The following HLCS variants were observed in gnomAD, a reference collection of about 807,000 sequenced individuals.
HLCS encodes biotin--protein ligase.
In HLCS, 53 loss-of-function variants were observed where a neutral mutation model predicts 75.0. The observed-to-expected ratio is 0.71, with a 90% CI of 0.57 to 0.89. The LOEUF (loss-of-function observed/expected upper bound fraction) is 0.89. Ranked by LOEUF, HLCS falls within the 40% of genes least tolerant of loss-of-function variation. The pLI, the probability that HLCS is intolerant of heterozygous loss-of-function variation, is 0.00. For missense variants in HLCS, 966 were observed against 1,074.0 expected (o/e 0.90, Z 1.41); for synonymous variants, 431 against 428.6 (o/e 1.01, Z -0.07).
chr21:36,772,502 G>T (rs2060237545), intron 6 of HLCS, among the ~76,000 whole-genome samples: 1 of 151,932 alleles, frequency 6.6e-6, no homozygotes, highest in Admixed American at 6.6e-5. Flanking sequence ...AGCCAGGCAT[G>T]GAGGTACATG....
Position 36,756,653 on chromosome 21 carries a change from G to A in HLCS, c.2339C>T (p.Ala780Val), listed in dbSNP as rs763760775. The A allele has an allele frequency of 2.5e-6, 4 of 1,613,942 alleles. No individual in the cohort carries two copies. The highest frequency in any genetic ancestry group is 3.4e-6 in the Non-Finnish European group (4 of 1,180,024). ...CACGACTCTGGCGATGAGATAATCG[G>A]CTCTTAAGGGCTTCAGTTCTGCCTT... Reference protein sequence around the residue: ...QHKAELKPLRADYLIARVVTV... With the variant: ...QHKAELKPLRVDYLIARVVTV... Residue 780 changes from alanine to valine, a missense_variant, in exon 10 of 11, where the codon GCC (alanine) becomes GTC (valine). By Grantham distance (64) the Ala-to-Val change is moderately conservative. Transcript: ENST00000674895.
chr21:36,795,976 T>TA (rs987668971), intron 6 of HLCS, among the ~76,000 whole-genome samples: 2 of 152,226 alleles, frequency 1.3e-5, no homozygotes, highest in African/African-American at 4.8e-5. Flanking sequence ...GACAAGGTTT[T>TA]AAAAAAATAT....
At chr21:36,785,056 C>T (rs966956115) in intron 6 of HLCS, among the ~76,000 whole-genome samples, 3 of 152,230 alleles carry the variant, frequency 2.0e-5, no homozygotes, top group East Asian at 1.9e-4. Context: ...CCCCAGGTAC[C>T]GTCGCCTTCG....
chr21:36,978,742 T>TA (rs888899896), intron 1 of HLCS, among the ~76,000 whole-genome samples: 12 of 152,110 alleles, frequency 7.9e-5, no homozygotes, highest in African/African-American at 2.9e-4. Context: ...GCAGACGCCT[T>TA]GGGAATGTAC....
chr21:36,965,770 C>T (rs1222104696), intron 1 of HLCS, among the ~76,000 whole-genome samples: 12 of 146,944 alleles, frequency 8.2e-5, no homozygotes. Flanking sequence ...CTTGCTTTGT[C>T]ACCCAGACTG....
At chr21:36,810,036 C>A (rs2061467074) in intron 6 of HLCS, among the ~76,000 whole-genome samples, 2 of 152,260 alleles carry the variant, frequency 1.3e-5, no homozygotes, top group Non-Finnish European at 2.9e-5. Context: ...AGCCGTGGCA[C>A]CCAGCCATTT....
intron 5 of HLCS, among the ~76,000 whole-genome samples, chr21:36,902,400 A>G (rs2065272204): frequency 6.6e-6 from 1 of 152,144 alleles, no homozygotes; most frequent in African/African-American, 2.4e-5. Flanking sequence ...GAGACAGCTC[A>G]CCCATAGGGA....
At chr21:36,824,623 C>T (rs1290569457) in intron 6 of HLCS, among the ~76,000 whole-genome samples, 1 of 152,172 alleles carries the variant, frequency 6.6e-6, no homozygotes, top group Non-Finnish European at 1.5e-5. Context: ...AACTCTGATG[C>T]CATCTCTGGC....
chr21:36,953,337 T>C (rs1332277074), intron 2 of HLCS, among the ~76,000 whole-genome samples: 5 of 152,120 alleles, frequency 3.3e-5, no homozygotes, highest in African/African-American at 1.2e-4. Context: ...TAGATGAAGC[T>C]GACACTGGTG....
intron 2 of HLCS, among the ~76,000 whole-genome samples, chr21:36,953,849 C>T (rs147851399): frequency 5.9e-5 from 9 of 152,210 alleles, no homozygotes; most frequent in African/African-American, 1.7e-4. Flanking sequence ...CATAATGTCT[C>T]GCCCAACGAT....
Position 36,753,275 on chromosome 21 carries a change from T to C in HLCS, c.*971A>G, listed in dbSNP as rs1346222862. ...GGTAAATGAGGGGGGCAAAAACTTATGACTTCTGAGTAAAATGCCATGTCT... is the reference window on the plus strand; with the variant it reads ...GGTAAATGAGGGGGGCAAAAACTTACGACTTCTGAGTAAAATGCCATGTCT... On this transcript the variant is annotated 3_prime_UTR_variant, in exon 11 of 11. Coordinates refer to ENST00000674895, the MANE Select transcript of HLCS (RefSeq NM_001352514.2). This position sits in a 1 kb window ranked among gnomAD's most constrained non-coding sequence, Gnocchi z 4.3. 1.3e-5 allele frequency: 2 copies of C among 152,622 alleles called. No homozygotes were observed. The highest frequency in any genetic ancestry group is 3.4e-3 in the Middle Eastern group (1 of 294). 9.5% of individuals were successfully genotyped at this position (152,622 alleles called of 1,614,324 possible). A position where few individuals can be genotyped will look rare whatever the true frequency, so the allele number is the denominator to read the frequency against.
At chr21:36,872,295 C>T (rs998929402) in intron 6 of HLCS, among the ~76,000 whole-genome samples, 3 of 151,314 alleles carry the variant, frequency 2.0e-5, no homozygotes, top group East Asian at 1.9e-4. Context: ...TGGTGGCGGG[C>T]GCCTGTAGTC....
chr21:36,936,335 C>T, intron 4 of HLCS, 114 bp downstream of exon 4: 2 of 949,598 alleles, frequency 2.1e-6, no homozygotes, highest in East Asian at 2.4e-5. Context: ...TCAAAAACAG[C>T]CCGCAGCACA....
chr21:36,796,926 G>T (rs2061043077), intron 6 of HLCS, among the ~76,000 whole-genome samples: 1 of 151,502 alleles, frequency 6.6e-6, no homozygotes, highest in African/African-American at 2.4e-5. Flanking sequence ...GAGTACAGTG[G>T]AGTGATCTCG....
chr21:36,980,476 T>TC (rs1461376690), intron 1 of HLCS: 2 of 151,162 alleles, frequency 1.3e-5, no homozygotes, highest in Non-Finnish European at 2.9e-5. Flanking sequence ...TATAAATAAC[T>TC]CCCCCTGGGG....
intron 6 of HLCS, among the ~76,000 whole-genome samples, chr21:36,843,001 G>A (rs976960078): frequency 6.6e-6 from 1 of 152,194 alleles, no homozygotes; most frequent in African/African-American, 2.4e-5. Context: ...TTCCTGCCAT[G>A]TCTTATCTTC....
At position 36,937,001 on chromosome 21, in the gene HLCS, G is replaced by A. The variant is rs139989284; in HGVS notation, c.885C>T (p.Pro295=). 31 of 1,614,052 alleles carry A rather than the reference G, an allele frequency of 1.9e-5. No individual in the cohort carries two copies. Among genetic ancestry groups the A allele is most frequent in the Admixed American group, 6.7e-5 (4 of 60,008 alleles). ...GGTTGACTCTCCTCCCTTCTCTTTC[G>A]GGGGAGGTCTCATCAGCAACACTCT... ...SLESVADETS[P]EREGRRVNLT... is the part of the protein sequence containing the mutation. Residue 295 remains proline, a synonymous_variant, in exon 4 of 11, where the codon CCC becomes CCT. Transcript: ENST00000674895.
chr21:36,945,623 A>G (rs1422418362), intron 2 of HLCS, among the ~76,000 whole-genome samples: 1 of 152,264 alleles, frequency 6.6e-6, no homozygotes, highest in Non-Finnish European at 1.5e-5. Flanking sequence ...ATCTAGAGTC[A>G]GAAAGTAGAT....
intron 5 of HLCS, among the ~76,000 whole-genome samples, chr21:36,927,658 A>G (rs140784299): frequency 1.8e-3 from 269 of 152,376 alleles, no homozygotes; most frequent in African/African-American, 6.2e-3. Flanking sequence ...TAATTTCTGC[A>G]GACCCAAAAG....
Sources: allele counts gnomAD v4.1 joint callset (sites outside exome capture counted in the v4.1 genomes callset), GRCh38; gene constraint gnomAD v4.1.1; non-coding constraint Gnocchi (gnomAD v3.1); transcripts MANE v1.5; gene names NCBI Gene and HGNC (gene_info 2026-07-23, HGNC 2026-07-21).